Variants in HEATR9 observed in about 807,000 individuals in gnomAD.
HEATR9 encodes the protein protein HEATR9.
Under a neutral mutation model 68.2 loss-of-function variants are expected in HEATR9, and 54 were observed. That is an observed-to-expected ratio of 0.79 (90% CI 0.64 to 0.99). HEATR9 has a LOEUF of 0.99. Among genes scored for constraint, HEATR9 ranks in the 50% least tolerant of loss-of-function variants. The probability of loss-of-function intolerance (pLI) is 0.00; values close to 1 mark genes in which losing one functional copy is unlikely to be tolerated. For missense variants in HEATR9, 662 were observed against 679.7 expected, an observed-to-expected ratio of 0.97 and a Z score of 0.29; for synonymous variants, 241 against 253.5, an observed-to-expected ratio of 0.95 and a Z score of 0.47.
chr17:35,859,748 G>A (rs557451426), intron 8 of HEATR9, among the ~76,000 whole-genome samples: 6 of 152,332 alleles, frequency 3.9e-5, no homozygotes, highest in African/African-American at 9.6e-5. Context: ...TTGTTAAAAT[G>A]TGTGAGCACA....
intron 13 of HEATR9, 80 bp downstream of exon 13, chr17:35,856,093 C>T: frequency 7.0e-7 from 1 of 1,438,596 alleles, no homozygotes; most frequent in Non-Finnish European, 9.8e-7. Flanking sequence ...GCCTTTATTC[C>T]CCTCAGTGAC....
intron 5 of HEATR9, 85 bp downstream of exon 5, chr17:35,864,412 C>T: frequency 6.5e-7 from 1 of 1,544,818 alleles, no homozygotes; most frequent in Non-Finnish European, 8.9e-7. Flanking sequence ...TCCCCACAAC[C>T]ACCATCACGT....
rs374535873 is a variant in HEATR9 at position 35,856,169 on chromosome 17, T to C, written c.1278+4A>G. On this transcript the variant is annotated splice_donor_region_variant and intron_variant, in intron 13 of 14. Coordinates refer to ENST00000604834, the MANE Select transcript of HEATR9 (RefSeq NM_152781.4). ...TTGGGTCAGAGAAGCAGAGCCTGCC[T>C]TACCAAAGAGATGACTGCTTCCTGG... 8 of 1,613,824 alleles carry C rather than the reference T, an allele frequency of 5.0e-6. No homozygotes were observed. The African/African-American group carries it at 8.0e-5, about 16-fold the overall frequency.
At position 35,863,104 on chromosome 17, in the gene HEATR9, A is replaced by T; in HGVS notation, c.647T>A (p.Ile216Asn). The change falls in exon 8 of 15, where the codon ATC becomes AAC. Residue 216 changes from isoleucine (I) to asparagine (N), a missense_variant. Physicochemically the swap from Ile to Asn is moderately radical, Grantham distance 149 (BLOSUM62 -3). Transcript: ENST00000604834. ...AILGCLNKHV[I>N]RALIKQLKEK... ...CTTCAGCTGTTTGATGAGAGCCCGG[A>T]TCACATGCTTATTCAGGCAACCTGG... is the stretch of plus-strand genomic sequence containing the variant. 6.2e-7 allele frequency: 1 copy of T among 1,614,124 alleles called. No individual in the cohort carries two copies. Among genetic ancestry groups the T allele is most frequent in the Non-Finnish European group, 8.5e-7 (1 of 1,180,020 alleles).
intron 9 of HEATR9, 47 bp from the exon 10 acceptor site, chr17:35,858,572 C>T (rs2087860726): frequency 6.5e-7 from 1 of 1,536,760 alleles, no homozygotes; most frequent in Non-Finnish European, 9.0e-7. Context: ...CTAGAGGCAT[C>T]TGTGTGGCCA....
intron 8 of HEATR9, 40 bp from the exon 9 acceptor site, chr17:35,859,110 A>G (rs1311719241): frequency 6.4e-7 from 1 of 1,560,022 alleles, no homozygotes; most frequent in South Asian, 1.1e-5. Context: ...GGGGCTATGT[A>G]CTTTATGCCA....
rs892850340 is a variant in HEATR9, at chr17:35,861,380, G to A, written c.756+1615C>T. The A allele has an allele frequency of 2.8e-5, 44 of 1,599,726 alleles. No homozygotes were observed. In the East Asian group the frequency reaches 9.6e-4, roughly 35 times the overall value. ...AATTCAAATGAATTATCCACTGTAA[G>A]CTCTTTACCAGCTGCTTTCCGGAAT... On this transcript the variant is annotated intron_variant, in intron 8 of 14. Coordinates refer to ENST00000604834, the MANE Select transcript of HEATR9 (RefSeq NM_152781.4).
chr17:35,864,311 A>G lies in HEATR9; in HGVS notation c.511-9T>C, dbSNP rs2088115016. On this transcript the variant is annotated splice_polypyrimidine_tract_variant and intron_variant, in intron 5 of 14. Transcript: ENST00000604834. ...CGTAAGCATCCCAGAGCCTGCAGGA[A>G]GAGGGATGGAGGAAAGAGAAGGAAA... 6 of 1,608,384 alleles carry G rather than the reference A, an allele frequency of 3.7e-6. No homozygotes were observed. The highest frequency in any genetic ancestry group is 5.1e-6 in the Non-Finnish European group (6 of 1,174,826).
chr17:35,864,657 GT>G, intron 4 of HEATR9, 100 bp downstream of exon 4: 1 of 1,589,856 alleles, frequency 6.3e-7, no homozygotes, highest in South Asian at 1.1e-5. Context: ...CCCTACCTCT[GT>G]TTTTCAGGCA....
intron 3 of HEATR9, 46 bp downstream of exon 3, chr17:35,865,169 A>G: frequency 1.3e-6 from 2 of 1,582,762 alleles, no homozygotes; most frequent in Middle Eastern, 1.7e-4. Context: ...TCACTTTCCT[A>G]GAAGATGTGG....
rs770191012 is a variant in HEATR9, at chr17:35,858,534, G to T, written c.940-9C>A. 1.2e-6 allele frequency: 2 copies of T among 1,608,470 alleles called. No homozygotes were observed. Among genetic ancestry groups the T allele is most frequent in the Non-Finnish European group, 1.7e-6 (2 of 1,176,198 alleles). On this transcript the variant is annotated splice_polypyrimidine_tract_variant and intron_variant, in intron 9 of 14. Transcript: ENST00000604834. Reference sequence around the variant, plus strand: ...ACCAGCATCCTAAGTGCCTATGAGGGGGCAGGGTAGGGCAGGGTGTACAGG... The same window carrying T: ...ACCAGCATCCTAAGTGCCTATGAGGTGGCAGGGTAGGGCAGGGTGTACAGG...
chr17:35,859,585 A>C (rs1568312488), intron 8 of HEATR9, among the ~76,000 whole-genome samples: 1 of 152,154 alleles, frequency 6.6e-6, no homozygotes, highest in East Asian at 1.9e-4. Context: ...GACCCAGCTT[A>C]AATTCCATGA....
rs765535772 is a variant in HEATR9, at chr17:35,865,195, T to C, written c.320+20A>G. ...GAAGATGTGGAGGGTGAGAAGAATA[T>C]GGAGGCCAGCAAAACACACCTACAG... On this transcript the variant is annotated intron_variant, in intron 3 of 14. Coordinates refer to ENST00000604834, the MANE Select transcript of HEATR9 (RefSeq NM_152781.4). The C allele has an allele frequency of 4.1e-5, 66 of 1,607,956 alleles. No homozygotes were observed. In the South Asian group the frequency reaches 7.3e-4, roughly 18 times the overall value.
In HEATR9 at chr17:35,858,268, G is replaced by C; in HGVS notation, c.1084C>G (p.Gln362Glu). ...GTGAGTTCCTCTAGCCCCTGTGCCT[G>C]GATCTGTTCCAGCCCAATGGTCTTG... ...MLKTIGLEQI[Q>E]AQGLEELTFN... is the part of the protein sequence containing the mutation. The change falls in exon 11 of 15, where the codon CAG becomes GAG. Residue 362 changes from glutamine (Q) to glutamate (E), a missense_variant. Coordinates refer to ENST00000604834, the MANE Select transcript of HEATR9 (RefSeq NM_152781.4). 1 of 1,614,166 alleles carries C rather than the reference G, an allele frequency of 6.2e-7. No individual in the cohort carries two copies. Among genetic ancestry groups the C allele is most frequent in the Non-Finnish European group, 8.5e-7 (1 of 1,180,012 alleles).
Position 35,868,850 on chromosome 17 carries a change from CA to C in HEATR9, c.-109del, listed in dbSNP as rs2088304176. The C allele has an allele frequency of 1.1e-6, 1 of 950,778 alleles. No individual in the cohort carries two copies. Among genetic ancestry groups the C allele is most frequent in the Non-Finnish European group, 1.6e-6 (1 of 616,424 alleles). 58.9% of individuals were successfully genotyped at this position (950,778 alleles called of 1,614,324 possible). ...CCTGTCCTCTGTGGTACGAGAGGTA[CA>C]GGGGAGGTGTCTGGACTTCTGGAGG... On this transcript the variant is annotated 5_prime_UTR_variant, in exon 1 of 15. Coordinates refer to ENST00000604834, the MANE Select transcript of HEATR9 (RefSeq NM_152781.4).
chr17:35,866,770 A>T lies in HEATR9; in HGVS notation c.92T>A (p.Leu31His). 6.2e-7 allele frequency: 1 copy of T among 1,613,930 alleles called. No individual in the cohort carries two copies. Among genetic ancestry groups the T allele is most frequent in the Non-Finnish European group, 8.5e-7 (1 of 1,179,838 alleles). Residue 31 changes from leucine to histidine, a missense_variant, in exon 2 of 15, where the codon CTC becomes CAC. By Grantham distance (99) the Leu-to-His change is moderately conservative (BLOSUM62 -3). Coordinates refer to ENST00000604834, the MANE Select transcript of HEATR9 (RefSeq NM_152781.4). ...ATGAACAGGAGCCATGGCTTTTCTGAGTTCTGGCAAGAGGGATAAGAGTAT... is the reference window on the plus strand; with the variant it reads ...ATGAACAGGAGCCATGGCTTTTCTGTGTTCTGGCAAGAGGGATAAGAGTAT... ...WLEYPDKTKE[L>H]RKAMAPVHLP...
intron 9 of HEATR9, 26 bp downstream of exon 9, chr17:35,858,862 G>T: frequency 6.2e-7 from 1 of 1,607,958 alleles, no homozygotes; most frequent in Non-Finnish European, 8.5e-7. Flanking sequence ...GTTTCCCCAG[G>T]GATCCCAGCC....
chr17:35,864,102 G>C, intron 6 of HEATR9, 144 bp downstream of exon 6: 1 of 653,372 alleles, frequency 1.5e-6, no homozygotes, highest in Non-Finnish European at 2.8e-6. Flanking sequence ...ACATGGGATG[G>C]GTCATGCTGC....
intron 12 of HEATR9, among the ~76,000 whole-genome samples, chr17:35,856,520 T>G (rs1293448624): frequency 2.0e-5 from 3 of 152,102 alleles, no homozygotes; most frequent in Non-Finnish European, 4.4e-5. Flanking sequence ...CCTTGGTAGG[T>G]ATTATTACTC....
Sources: gnomAD v4.1 joint callset for allele counts (sites outside exome capture counted in the v4.1 genomes callset) on GRCh38, gnomAD v4.1.1 for gene constraint, MANE v1.5 for transcripts, NCBI Gene and HGNC (gene_info 2026-07-23, HGNC 2026-07-21) for gene names.